PLA2R1: variants seen among roughly 807,000 people sequenced by gnomAD.
The protein encoded by PLA2R1 is secretory phospholipase A2 receptor.
PLA2R1 carries 158 observed loss-of-function variants against 195.9 expected under a neutral mutation model. That is an observed-to-expected ratio of 0.81 (90% CI 0.71 to 0.92). The LOEUF is 0.92. Ranked by LOEUF, PLA2R1 falls within the 40% of genes least tolerant of loss-of-function variation. The pLI is 0.00. For synonymous variants in PLA2R1, 586 were observed against 598.2 expected (o/e 0.98, Z 0.30); for missense variants, 1,626 against 1,764.6 (o/e 0.92, Z 1.41).
At chr2:159,949,476 A>C (rs1158938783) in intron 25 of PLA2R1, 132 bp downstream of exon 25, 3 of 587,306 alleles carry the variant, frequency 5.1e-6, no homozygotes, top group Non-Finnish European at 8.9e-6. Context: ...TCTTTACATC[A>C]CCAACCAGAC....
At chr2:159,951,137 A>G (rs1487377622) in intron 24 of PLA2R1, among the ~76,000 whole-genome samples, 2 of 152,202 alleles carry the variant, frequency 1.3e-5, no homozygotes, top group Admixed American at 1.3e-4. Flanking sequence ...TGTTTACCCT[A>G]AAGAGGTGTG....
At chr2:160,055,294 C>T (rs191000084) in intron 1 of PLA2R1, among the ~76,000 whole-genome samples, 3 of 152,232 alleles carry the variant, frequency 2.0e-5, no homozygotes, top group East Asian at 1.9e-4. Flanking sequence ...ATGGGAGAAA[C>T]GGAGTCAAGA....
intron 20 of PLA2R1, among the ~76,000 whole-genome samples, chr2:159,960,636 C>A (rs1688377584): frequency 6.6e-6 from 1 of 152,208 alleles, no homozygotes; most frequent in South Asian, 2.1e-4. Flanking sequence ...CACACACACA[C>A]ACTTAGAATT....
chr2:159,976,754 T>C (rs774627488), intron 15 of PLA2R1, 34 bp from the exon 16 acceptor site: 16 of 1,586,370 alleles, frequency 1.0e-5, no homozygotes, highest in Non-Finnish European at 1.4e-5. Flanking sequence ...TTGACTGATC[T>C]TGCTTCTCAA....
At chr2:159,964,919 T>C (rs1489426614) in intron 20 of PLA2R1, among the ~76,000 whole-genome samples, 2 of 151,896 alleles carry the variant, frequency 1.3e-5, no homozygotes, top group African/African-American at 4.8e-5. Flanking sequence ...CCCAGCTACC[T>C]GGGAGGCTGA....
rs552089230 is a variant in PLA2R1, at chr2:160,004,791, G to A, written c.1834+861C>T. On this transcript the variant is annotated intron_variant, in intron 11 of 29. Transcript: ENST00000283243. ...ACAGAGACTGGTTCTAGTGTAGGCT[G>A]TGGCGGAAGACATCAGCTTCTCTGG... Among the ~76,000 whole-genome samples, 3 of 152,274 alleles carry A rather than the reference G, an allele frequency of 2.0e-5. No individual in the cohort carries two copies. In the South Asian group the frequency reaches 6.2e-4, roughly 32 times the overall value.
rs575326166 is a variant in PLA2R1, at chr2:160,060,057, G to T, written c.109+2238C>A. On this transcript the variant is annotated intron_variant, in intron 1 of 29. Transcript: ENST00000283243. ...TACAATCCATCATCTGCCTCCCAAGGCTGGCATGCTTGTAATACATATCAG... is the reference window on the plus strand; with the variant it reads ...TACAATCCATCATCTGCCTCCCAAGTCTGGCATGCTTGTAATACATATCAG... Among the ~76,000 whole-genome samples the T allele has an allele frequency of 3.3e-5, 5 of 152,088 alleles. No individual in the cohort carries two copies. The East Asian group carries it at 9.7e-4, about 29-fold the overall frequency.
intron 1 of PLA2R1, among the ~76,000 whole-genome samples, chr2:160,051,522 T>C (rs1056993800): frequency 6.6e-6 from 1 of 152,184 alleles, no homozygotes; most frequent in Non-Finnish European, 1.5e-5. Context: ...AATCTGGAGG[T>C]GAGCAGCTTC....
intron 1 of PLA2R1, among the ~76,000 whole-genome samples, chr2:160,060,586 T>A (rs180959200): frequency 1.7e-4 from 26 of 152,330 alleles, no homozygotes; most frequent in Non-Finnish European, 3.8e-4. Context: ...TATGTCAACC[T>A]TTTCAGATGT....
intron 10 of PLA2R1, among the ~76,000 whole-genome samples, chr2:160,008,218 A>G (rs1573882464): frequency 6.6e-6 from 1 of 152,062 alleles, no homozygotes; most frequent in African/African-American, 2.4e-5. Context: ...AGGCGGGAGG[A>G]TGGCTTGAGC....
chr2:159,941,989 G>A lies in PLA2R1; in HGVS notation c.4181C>T (p.Pro1394Leu), dbSNP rs1464717250. The A allele has an allele frequency of 6.2e-7, 1 of 1,610,874 alleles. No homozygotes were observed. Among genetic ancestry groups the A allele is most frequent in the Admixed American group, 1.7e-5 (1 of 59,656 alleles). Reference protein sequence around the residue: ...HTAEALPEKGPSHSIIPLAVV... With the variant: ...HTAEALPEKGLSHSIIPLAVV... ...CGCAAGAGGAATGATGCTGTGACTT[G>A]GTCCTGAAAGAAGATATTTTTCTTA... is the stretch of plus-strand genomic sequence containing the variant. The change falls in exon 30 of 30, where the codon CCA becomes CTA. Residue 1394 changes from proline (P) to leucine (L), a missense_variant. Coordinates refer to ENST00000283243, the MANE Select transcript of PLA2R1 (RefSeq NM_007366.5).
chr2:159,936,349 AATTG>A lies in PLA2R1; in HGVS notation c.*5425_*5428del, dbSNP rs1686833556. 6.6e-6 allele frequency: 1 copy of A among 152,220 alleles called. No homozygotes were observed. The highest frequency in any genetic ancestry group is 1.5e-5 in the Non-Finnish European group (1 of 68,032). The allele number at this position is 152,220 out of a possible 1,614,324, so 9.4% of individuals were successfully genotyped here. A position where few individuals can be genotyped will look rare whatever the true frequency, so the allele number is the denominator to read the frequency against. ...GTCATTTCAATTATTGTTAGTATAC[AATTG>A]ATCAGAACAAAATAAATATGTTACA... On this transcript the variant is annotated 3_prime_UTR_variant, in exon 30 of 30. Coordinates refer to ENST00000283243, the MANE Select transcript of PLA2R1 (RefSeq NM_007366.5).
chr2:159,952,982 C>A (rs1278715707), intron 23 of PLA2R1, among the ~76,000 whole-genome samples: 1 of 152,106 alleles, frequency 6.6e-6, no homozygotes, highest in Non-Finnish European at 1.5e-5. Flanking sequence ...CTGTGCCCAG[C>A]CTACGTGCCC....
At chr2:160,013,691 CT>C (rs1558926808) in intron 9 of PLA2R1, among the ~76,000 whole-genome samples, 2 of 141,534 alleles carry the variant, frequency 1.4e-5, no homozygotes, top group Admixed American at 7.2e-5. Context: ...CTCTCTCTCT[CT>C]CTCTCTCTCT....
chr2:160,049,337 T>A (rs886208440), intron 1 of PLA2R1, among the ~76,000 whole-genome samples: 2 of 152,220 alleles, frequency 1.3e-5, no homozygotes, highest in Non-Finnish European at 1.5e-5. Context: ...AACCGAAGTT[T>A]AGGTTATTAC....
Position 160,062,608 on chromosome 2 carries a change from G to C in PLA2R1, c.-205C>G. The C allele has an allele frequency of 1.1e-6, 1 of 915,320 alleles. No homozygotes were observed. The highest frequency in any genetic ancestry group is 1.7e-5 in the African/African-American group (1 of 57,526). The allele number at this position is 915,320 out of a possible 1,614,324, so 56.7% of individuals were successfully genotyped here. ...CTGTCTCCACAGTGAACCGACACTC[G>C]GGGCTCTGGGCTGGGATGCGGGAAA... On this transcript the variant is annotated 5_prime_UTR_variant, in exon 1 of 30. Coordinates refer to ENST00000283243, the MANE Select transcript of PLA2R1 (RefSeq NM_007366.5).
intron 17 of PLA2R1, among the ~76,000 whole-genome samples, chr2:159,971,205 G>A (rs1033849659): frequency 6.6e-6 from 1 of 152,036 alleles, no homozygotes; most frequent in Non-Finnish European, 1.5e-5. Flanking sequence ...TGGAATTTTA[G>A]TAGATTATAA....
chr2:160,050,836 T>C (rs1396138798), intron 1 of PLA2R1, among the ~76,000 whole-genome samples: 1 of 152,164 alleles, frequency 6.6e-6, no homozygotes, highest in African/African-American at 2.4e-5. Context: ...ATTATTACAG[T>C]TTGATCTGTC....
intron 1 of PLA2R1, among the ~76,000 whole-genome samples, chr2:160,049,368 C>T (rs1695081113): frequency 6.6e-6 from 1 of 152,144 alleles, no homozygotes; most frequent in South Asian, 2.1e-4. Context: ...GCATATGGAA[C>T]ATTCATTCAT....
Sources: gnomAD v4.1 joint callset for allele counts (sites outside exome capture counted in the v4.1 genomes callset) on GRCh38, gnomAD v4.1.1 for gene constraint, MANE v1.5 for transcripts, NCBI Gene and HGNC (gene_info 2026-07-23, HGNC 2026-07-21) for gene names.